Variants in RPS6KC1 observed in about 807,000 individuals in gnomAD.
The protein encoded by RPS6KC1 is ribosomal protein S6 kinase C1.
RPS6KC1 carries 54 observed loss-of-function variants against 103.8 expected under a neutral mutation model. The observed-to-expected ratio is 0.52, with a 90% CI of 0.42 to 0.65. RPS6KC1 has a LOEUF of 0.65. Among genes scored for constraint, RPS6KC1 ranks in the 30% least tolerant of loss-of-function variants. The pLI is 0.00. For synonymous variants in RPS6KC1, 439 were observed against 438.7 expected (o/e 1.00, Z -0.01); for missense variants, 1,151 against 1,253.8 (o/e 0.92, Z 1.24).
At chr1:213,827,971 C>A in the RPS6KC1 span, among the ~76,000 whole-genome samples, 1 of 152,152 alleles carries the variant, frequency 6.6e-6, no homozygotes, top group African/African-American at 2.4e-5. Context: ...AAACTTTTCT[C>A]CTTATAAAGG....
chr1:213,406,569 CT>C, the RPS6KC1 span, among the ~76,000 whole-genome samples: 2 of 152,118 alleles, frequency 1.3e-5, no homozygotes, highest in African/African-American at 2.4e-5. Context: ...TTTATCACCC[CT>C]AGAAGAGAGG....
At chr1:213,603,243 G>T in the RPS6KC1 span, among the ~76,000 whole-genome samples, 7 of 152,240 alleles carry the variant, frequency 4.6e-5, no homozygotes, top group African/African-American at 1.7e-4. Flanking sequence ...CAGACCCTGT[G>T]CTCTGTCACT....
At chr1:213,287,248 G>GTGTGTA in the RPS6KC1 span, among the ~76,000 whole-genome samples, 1 of 150,348 alleles carries the variant, frequency 6.7e-6, no homozygotes, top group African/African-American at 2.5e-5. Flanking sequence ...GTGTGTGTGT[G>GTGTGTA]TGTGTGTGTG....
the RPS6KC1 span, among the ~76,000 whole-genome samples, chr1:213,740,866 A>C: frequency 1.9e-5 from 1 of 53,370 alleles, no homozygotes; most frequent in Non-Finnish European, 3.4e-5. Flanking sequence ...ACATATATAC[A>C]TCTCAGATAT....
At chr1:213,333,838 C>G in the RPS6KC1 span, among the ~76,000 whole-genome samples, 1 of 152,188 alleles carries the variant, frequency 6.6e-6, no homozygotes, top group East Asian at 1.9e-4. Flanking sequence ...CCCACCACCA[C>G]GCCTGGCTAA....
the RPS6KC1 span, among the ~76,000 whole-genome samples, chr1:213,465,463 G>A: frequency 6.6e-6 from 1 of 152,160 alleles, no homozygotes; most frequent in Non-Finnish European, 1.5e-5. Flanking sequence ...TGATGTGGCT[G>A]TGCCAGTTTC....
chr1:213,421,132 C>T, the RPS6KC1 span, among the ~76,000 whole-genome samples: 1 of 152,072 alleles, frequency 6.6e-6, no homozygotes, highest in Non-Finnish European at 1.5e-5. Flanking sequence ...TTTGTTTGTT[C>T]ATTTTTTTGA....
chr1:213,082,112 G>C (rs2079948517), intron 3 of RPS6KC1, among the ~76,000 whole-genome samples: 1 of 151,996 alleles, frequency 6.6e-6, no homozygotes, highest in African/African-American at 2.4e-5. Context: ...GTGAGTGCCT[G>C]AAGTGCCTTG....
At chr1:213,818,283 AG>A in the RPS6KC1 span, 1 of 152,274 alleles carries the variant, frequency 6.6e-6, no homozygotes, top group African/African-American at 2.4e-5. Flanking sequence ...AAGCTTAGAT[AG>A]GCCAAAAGCT....
chr1:213,567,800 A>G, the RPS6KC1 span, among the ~76,000 whole-genome samples: 1 of 152,262 alleles, frequency 6.6e-6, no homozygotes, highest in Non-Finnish European at 1.5e-5. Context: ...TTCTCCCAAC[A>G]TTTGAATGAT....
chr1:213,252,742 A>T (rs959583267), intron 12 of RPS6KC1, among the ~76,000 whole-genome samples: 1 of 152,162 alleles, frequency 6.6e-6, no homozygotes, highest in Non-Finnish European at 1.5e-5. Context: ...TTAGAAAACT[A>T]TATTTATCTT....
chr1:213,202,745 C>G (rs1294135541), intron 8 of RPS6KC1, among the ~76,000 whole-genome samples: 1 of 152,060 alleles, frequency 6.6e-6, no homozygotes, highest in Non-Finnish European at 1.5e-5. Flanking sequence ...TACTAGACAC[C>G]ATCATTGTGT....
In RPS6KC1 at chr1:213,051,323, G is replaced by A. The variant is rs918989018; in HGVS notation, c.-82G>A. 9.2e-7 allele frequency: 1 copy of A among 1,085,304 alleles called. No homozygotes were observed. The highest frequency in any genetic ancestry group is 1.6e-5 in the African/African-American group (1 of 63,650). The allele number at this position is 1,085,304 out of a possible 1,614,324, so 67.2% of individuals were successfully genotyped here. On this transcript the variant is annotated 5_prime_UTR_variant, in exon 1 of 15. Coordinates refer to ENST00000366960, the MANE Select transcript of RPS6KC1 (RefSeq NM_012424.6). ...CGCCCCCTCGCCGCTTCGCCGCTGC[G>A]TTGGGGAACCTGGACCGCGGCGGCG...
intron 3 of RPS6KC1, among the ~76,000 whole-genome samples, chr1:213,081,650 A>T (rs1050469288): frequency 9.3e-5 from 14 of 149,778 alleles, no homozygotes; most frequent in Non-Finnish European, 1.9e-4. Context: ...ATCTCTCTTA[A>T]GGTTTTTTTT....
intron 6 of RPS6KC1, among the ~76,000 whole-genome samples, chr1:213,150,573 T>C (rs2088590950): frequency 1.3e-5 from 2 of 151,020 alleles, no homozygotes; most frequent in African/African-American, 4.9e-5. Context: ...GCACCGCCCT[T>C]AATCCATTCA....
chr1:213,153,298 CACAGAG>C (rs1272805678), intron 6 of RPS6KC1, among the ~76,000 whole-genome samples: 1 of 148,620 alleles, frequency 6.7e-6, no homozygotes, highest in Non-Finnish European at 1.5e-5. Context: ...CAGAGGCAGG[CACAGAG>C]GCAGGGGCAG....
At chr1:213,563,310 CT>C in the RPS6KC1 span, among the ~76,000 whole-genome samples, 10 of 151,958 alleles carry the variant, frequency 6.6e-5, no homozygotes, top group African/African-American at 1.9e-4. Context: ...TTTTATATAT[CT>C]TTTTTTCCAT....
chr1:213,426,367 T>G, the RPS6KC1 span, among the ~76,000 whole-genome samples: 1 of 152,258 alleles, frequency 6.6e-6, no homozygotes, highest in African/African-American at 2.4e-5. Flanking sequence ...CTGGGCCACC[T>G]CATGCCCTCG....
At chr1:213,377,544 C>T in the RPS6KC1 span, among the ~76,000 whole-genome samples, 5 of 152,182 alleles carry the variant, frequency 3.3e-5, no homozygotes, top group African/African-American at 4.8e-5. Context: ...TTAGATATTC[C>T]AGTTCCTTCT....
Sources: allele counts gnomAD v4.1 joint callset (sites outside exome capture counted in the v4.1 genomes callset), GRCh38; gene constraint gnomAD v4.1.1; transcripts MANE v1.5; gene names NCBI Gene and HGNC (gene_info 2026-07-23, HGNC 2026-07-21).